Variants in AARSD1 observed in about 807,000 individuals in gnomAD.
AARSD1 encodes the protein alanyl-tRNA synthetase domain containing 1, also known as alanyl-tRNA editing protein Aarsd1.
AARSD1 carries 44 observed loss-of-function variants against 48.7 expected under a neutral mutation model. That is an observed-to-expected ratio of 0.90 (90% confidence interval 0.71 to 1.16). The LOEUF (loss-of-function observed/expected upper bound fraction) is 1.16. Among genes scored for constraint, AARSD1 ranks in the 50% most tolerant of loss-of-function variants. The probability of loss-of-function intolerance (pLI) is 0.00; values close to 1 mark genes in which losing one functional copy is unlikely to be tolerated. For missense variants in AARSD1, 511 were observed against 523.1 expected (o/e 0.98, Z 0.23); for synonymous variants, 189 against 194.9 (o/e 0.97, Z 0.25).
At chr17:42,950,862 A>G in intron 11 of AARSD1, 134 bp from the exon 12 acceptor site, 2 of 1,392,262 alleles carry the variant, frequency 1.4e-6, no homozygotes, top group Non-Finnish European at 9.4e-7. Flanking sequence ...TCTTTCTTGA[A>G]AACACTTGCA....
intron 3 of AARSD1, among the ~76,000 whole-genome samples, chr17:42,959,007 G>C (rs2049595222): frequency 6.7e-6 from 1 of 149,602 alleles, no homozygotes; most frequent in South Asian, 2.1e-4. Flanking sequence ...GACCAGCCTG[G>C]CCAACATGGT....
In AARSD1 at chr17:42,952,013, G is replaced by A. The variant is rs139801184; in HGVS notation, c.1009-119C>T. 18 of 1,160,694 alleles carry A rather than the reference G, an allele frequency of 1.6e-5. No homozygotes were observed. In the East Asian group the frequency reaches 3.5e-4, roughly 23 times the overall value. The allele number at this position is 1,160,694 out of a possible 1,614,324, so 71.9% of individuals were successfully genotyped here. On this transcript the variant is annotated intron_variant, in intron 10 of 11. Coordinates refer to ENST00000427569, the MANE Select transcript of AARSD1 (RefSeq NM_001261434.2). Reference sequence around the variant, plus strand: ...ATTTCCCCCTAAACCACCAAGTGACGCTCCTGATGAATGATGATACAGCCC... The same window carrying A: ...ATTTCCCCCTAAACCACCAAGTGACACTCCTGATGAATGATGATACAGCCC...
At chr17:42,961,121 C>G in intron 3 of AARSD1, 71 bp downstream of exon 3, 1 of 1,529,790 alleles carries the variant, frequency 6.5e-7, no homozygotes, top group South Asian at 1.3e-5. Context: ...ACCCAAACTA[C>G]GTCTCAGTCA....
chr17:42,952,423 A>G (rs747073486), intron 10 of AARSD1, among the ~76,000 whole-genome samples: 8 of 152,222 alleles, frequency 5.3e-5, no homozygotes, highest in Non-Finnish European at 1.2e-4. Flanking sequence ...CTTGAGAATC[A>G]GTTCTGTCTA....
Position 42,961,183 on chromosome 17 carries a change from A to G in AARSD1, c.331+9T>C. The G allele has an allele frequency of 6.2e-7, 1 of 1,605,272 alleles. No individual in the cohort carries two copies. Among genetic ancestry groups the G allele is most frequent in the Non-Finnish European group, 8.5e-7 (1 of 1,174,000 alleles). The stretch of plus-strand genomic sequence containing the variant: ...GCTCCGGTGTTATGTCCCCCATCCC[A>G]GCCTTTACCTGAATGCTGCTGCATG... On this transcript the variant is annotated intron_variant, in intron 3 of 11. Coordinates refer to ENST00000427569, the MANE Select transcript of AARSD1 (RefSeq NM_001261434.2).
At chr17:42,964,026 T>G in intron 2 of AARSD1, 80 bp downstream of exon 2, 2 of 1,590,586 alleles carry the variant, frequency 1.3e-6, no homozygotes, top group Non-Finnish European at 1.7e-6. Flanking sequence ...TCATTATGGC[T>G]GAGAAAAAAG....
chr17:42,954,840 G>T, intron 9 of AARSD1, 36 bp downstream of exon 9: 1 of 1,609,400 alleles, frequency 6.2e-7, no homozygotes, highest in Non-Finnish European at 8.5e-7. Flanking sequence ...GCCCAACACA[G>T]TTCCCCTTCC....
rs1307325784 is a variant in AARSD1, at chr17:42,950,747, G to A, written c.1104-19C>T. On this transcript the variant is annotated intron_variant, in intron 11 of 11. Coordinates refer to ENST00000427569, the MANE Select transcript of AARSD1 (RefSeq NM_001261434.2). The stretch of plus-strand genomic sequence containing the variant: ...AGCCACCCTGGGGAACAGAGGTATA[G>A]TCAGGGAGACTTTGAGGGAAAAGTC... 2 of 1,594,392 alleles carry A rather than the reference G, an allele frequency of 1.3e-6. No individual in the cohort carries two copies. Among genetic ancestry groups the A allele is most frequent in the Non-Finnish European group, 1.7e-6 (2 of 1,173,256 alleles).
intron 2 of AARSD1, among the ~76,000 whole-genome samples, chr17:42,963,185 A>C (rs1323864310): frequency 6.6e-6 from 1 of 150,408 alleles, no homozygotes; most frequent in Non-Finnish European, 1.5e-5. Context: ...GGTTCAAGTG[A>C]TTCTCATGCC....
At chr17:42,957,105 C>A (rs2049567802) in intron 4 of AARSD1, 33 bp downstream of exon 4, 1 of 1,611,606 alleles carries the variant, frequency 6.2e-7, no homozygotes, top group Non-Finnish European at 8.5e-7. Context: ...TGGGATGGGC[C>A]TGCCTACAGT....
intron 2 of AARSD1, among the ~76,000 whole-genome samples, chr17:42,963,556 T>C (rs987681601): frequency 8.5e-5 from 13 of 152,098 alleles, no homozygotes; most frequent in Admixed American, 8.5e-4. Context: ...CTGATAAATA[T>C]GCTCTCTGCT....
intron 11 of AARSD1, 43 bp downstream of exon 11, chr17:42,951,757 T>C (rs200096698): frequency 1.3e-5 from 20 of 1,594,586 alleles, no homozygotes; most frequent in Admixed American, 1.2e-4. Flanking sequence ...ATTTGTAGGA[T>C]ACAGGCTCTA....
In AARSD1 at chr17:42,954,939, G is replaced by C; in HGVS notation, c.890C>G (p.Ala297Gly). The change falls in exon 9 of 12, where the codon GCT becomes GGT. Residue 297 changes from alanine to glycine, a missense_variant. Physicochemically the swap from Ala to Gly is moderately conservative, Grantham distance 60. Transcript: ENST00000427569. ...CCTGAGGCTATGGGCAATGTGCACA[G>C]CCAGGTCTCTGAGCAGATTCAGGTT... is the stretch of plus-strand genomic sequence containing the variant. ...KNNLNLLRDLAVHIAHSLRNS... is the reference protein window; with the variant it reads ...KNNLNLLRDLGVHIAHSLRNS... 4 of 1,614,138 alleles carry C rather than the reference G, an allele frequency of 2.5e-6. No homozygotes were observed. Among genetic ancestry groups the C allele is most frequent in the Non-Finnish European group, 3.4e-6 (4 of 1,180,010 alleles).
intron 8 of AARSD1, 85 bp downstream of exon 8, chr17:42,955,073 A>G (rs1324305750): frequency 2.5e-6 from 4 of 1,611,470 alleles, no homozygotes; most frequent in Admixed American, 3.3e-5. Context: ...GACAAACTAC[A>G]CATCTGTTTA....
rs1329907879 is a variant in AARSD1 at position 42,961,252 on chromosome 17, T to A, written c.271A>T (p.Ser91Cys). ...CAATCTACCCGGACCAGAACCTGGC[T>A]TCCTGGATCCAGGGGTGTCTGGGTG... Reference protein sequence around the residue: ...HFTQTPLDPGSQVLVRVDWER... With the variant: ...HFTQTPLDPGCQVLVRVDWER... The change falls in exon 3 of 12, where the codon AGC becomes TGC. Residue 91 changes from serine to cysteine, a missense_variant. Ser to Cys is a moderately radical substitution (Grantham distance 112). Coordinates refer to ENST00000427569, the MANE Select transcript of AARSD1 (RefSeq NM_001261434.2). The A allele has an allele frequency of 6.2e-7, 1 of 1,614,148 alleles. No homozygotes were observed. Among genetic ancestry groups the A allele is most frequent in the South Asian group, 1.1e-5 (1 of 91,078 alleles).
intron 11 of AARSD1, among the ~76,000 whole-genome samples, chr17:42,951,189 A>G (rs908958194): frequency 6.6e-6 from 1 of 152,168 alleles, no homozygotes; most frequent in African/African-American, 2.4e-5. Flanking sequence ...GCACAAAGAT[A>G]TATGTACCAT....
chr17:42,955,680 A>T, intron 7 of AARSD1, 162 bp downstream of exon 7: 1 of 1,210,718 alleles, frequency 8.3e-7, no homozygotes, highest in Non-Finnish European at 1.1e-6. Context: ...TGACCTCGTG[A>T]TCCGCCCACC....
chr17:42,950,631 G>A lies in AARSD1; in HGVS notation c.1201C>T (p.Leu401Phe). 6.2e-7 allele frequency: 1 copy of A among 1,614,058 alleles called. No individual in the cohort carries two copies. Among genetic ancestry groups the A allele is most frequent in the Non-Finnish European group, 8.5e-7 (1 of 1,180,000 alleles). ...MSRRMEAQAL[L>F]QDYISTQSAK... ...CTCTGCGTGCTGATGTAGTCCTGGA[G>A]AAGCGCCTGCGCCTCCATCCGCCGG... Residue 401 changes from leucine to phenylalanine, a missense_variant, in exon 12 of 12, where the codon CTC becomes TTC. By Grantham distance (22) the Leu-to-Phe change is conservative (BLOSUM62 0). Coordinates refer to ENST00000427569, the MANE Select transcript of AARSD1 (RefSeq NM_001261434.2).
chr17:42,963,775 A>T (rs957694997), intron 2 of AARSD1, among the ~76,000 whole-genome samples: 1 of 151,800 alleles, frequency 6.6e-6, no homozygotes, highest in Non-Finnish European at 1.5e-5. Flanking sequence ...CTTACCCTTC[A>T]TCTAGACAAG....
Sources: allele counts gnomAD v4.1 joint callset (sites outside exome capture counted in the v4.1 genomes callset), GRCh38; gene constraint gnomAD v4.1.1; transcripts MANE v1.5; gene names NCBI Gene and HGNC (gene_info 2026-07-23, HGNC 2026-07-21).